The following PTPRG variants were observed in gnomAD, a reference collection of about 807,000 sequenced individuals.
PTPRG encodes protein tyrosine phosphatase receptor type G, also known as receptor-type tyrosine-protein phosphatase gamma.
PTPRG carries 102 observed loss-of-function variants against 165.3 expected under a neutral mutation model. The ratio of observed to expected loss-of-function variants is 0.62; its 90% CI spans 0.53 to 0.73. The LOEUF (loss-of-function observed/expected upper bound fraction) is 0.73. PTPRG is among the 30% of genes least tolerant of loss of function. The pLI is 0.00. For synonymous variants in PTPRG, 675 were observed against 669.5 expected (o/e 1.01, Z -0.13); for missense variants, 1,866 against 1,861.4 (o/e 1.00, Z -0.05).
chr3:62,146,885 T>G (rs1312890237), intron 6 of PTPRG, among the ~76,000 whole-genome samples: 1 of 152,218 alleles, frequency 6.6e-6, no homozygotes, highest in African/African-American at 2.4e-5. Context: ...TTTGCCCACT[T>G]TTGACTTAGA....
intron 1 of PTPRG, among the ~76,000 whole-genome samples, chr3:61,697,053 A>C (rs542286931): frequency 6.6e-6 from 1 of 152,224 alleles, no homozygotes; most frequent in Non-Finnish European, 1.5e-5. Context: ...TTGAGAAAAC[A>C]GCAGAAGCAG....
intron 1 of PTPRG, among the ~76,000 whole-genome samples, chr3:61,637,661 G>A (rs1185730769): frequency 6.6e-6 from 1 of 152,162 alleles, no homozygotes; most frequent in Non-Finnish European, 1.5e-5. Context: ...GACTTCTTAG[G>A]AGTCCACCGG....
At chr3:61,750,081 C>G (rs1026484704) in intron 2 of PTPRG, 1 of 152,164 alleles carries the variant, frequency 6.6e-6, no homozygotes, top group Admixed American at 6.5e-5. Flanking sequence ...TTGCAGTGAA[C>G]AGATAGTGAT....
intron 2 of PTPRG, among the ~76,000 whole-genome samples, chr3:61,807,064 A>G (rs1559622646): frequency 6.6e-6 from 1 of 152,184 alleles, no homozygotes. Context: ...GGAGAGGACA[A>G]TTCAGGATAT....
At chr3:61,995,999 C>T (rs1457161855) in intron 3 of PTPRG, among the ~76,000 whole-genome samples, 1 of 152,096 alleles carries the variant, frequency 6.6e-6, no homozygotes, top group African/African-American at 2.4e-5. Context: ...ATGTCTCTGT[C>T]TCTCTGCCTG....
chr3:61,899,368 T>G (rs2107517510), intron 2 of PTPRG, among the ~76,000 whole-genome samples: 2 of 152,244 alleles, frequency 1.3e-5, no homozygotes, highest in East Asian at 3.9e-4. Flanking sequence ...GCTAATATTT[T>G]TAGGTAAAAG....
chr3:62,221,528 A>G (rs1010259180), intron 13 of PTPRG, among the ~76,000 whole-genome samples: 1 of 152,036 alleles, frequency 6.6e-6, no homozygotes, highest in African/African-American at 2.4e-5. Flanking sequence ...TCACATAGAA[A>G]ATTGGTAAAT....
rs1702079834 is a variant in PTPRG at position 62,271,874 on chromosome 3, G to GAGCCCAGGAGTTTGAGACC, written c.3182+324_3182+342dup. 2.6e-5 allele frequency among the ~76,000 whole-genome samples: 4 copies of GAGCCCAGGAGTTTGAGACC among 152,074 alleles called. No individual in the cohort carries two copies. Among genetic ancestry groups the GAGCCCAGGAGTTTGAGACC allele is most frequent in the Non-Finnish European group, 5.9e-5 (4 of 68,016 alleles). ...GGAGGCTGAGGTGGGTGGATCACTT[G>GAGCCCAGGAGTTTGAGACC]AGCCCAGGAGTTTGAGACCAGCCTG... On this transcript the variant is annotated intron_variant, in intron 21 of 29. Coordinates refer to ENST00000474889, the MANE Select transcript of PTPRG (RefSeq NM_002841.4). The surrounding 1 kb of genome is among the most constrained non-coding windows in gnomAD (Gnocchi z 4.1).
chr3:61,657,279 T>C lies in PTPRG; in HGVS notation c.86-91599T>C, dbSNP rs574491470. ...GGGCATGTGGAGGACCTCTCTAGAA[T>C]GAGGGTGAGACTATGACCTACTTTC... On this transcript the variant is annotated intron_variant, in intron 1 of 29. Coordinates refer to ENST00000474889, the MANE Select transcript of PTPRG (RefSeq NM_002841.4). 5.9e-5 allele frequency among the ~76,000 whole-genome samples: 9 copies of C among 152,124 alleles called. No individual in the cohort carries two copies. In the South Asian group the frequency reaches 1.9e-3, roughly 32 times the overall value.
intron 2 of PTPRG, among the ~76,000 whole-genome samples, chr3:61,825,289 G>C (rs1426476148): frequency 6.6e-6 from 1 of 152,172 alleles, no homozygotes; most frequent in Non-Finnish European, 1.5e-5. Flanking sequence ...TTATTTTAAA[G>C]ACCAGTAAGT....
At chr3:62,238,878 G>A (rs1391516131) in intron 14 of PTPRG, among the ~76,000 whole-genome samples, 1 of 152,094 alleles carries the variant, frequency 6.6e-6, no homozygotes, top group Non-Finnish European at 1.5e-5. Context: ...GATATATGCT[G>A]CAAATTGTAC....
Position 61,805,246 on chromosome 3 carries a change from C to G in PTPRG, c.190+56264C>G, listed in dbSNP as rs1387719314. Among the ~76,000 whole-genome samples, 3 of 152,108 alleles carry G rather than the reference C, an allele frequency of 2.0e-5. No homozygotes were observed. The East Asian group carries it at 5.8e-4, about 29-fold the overall frequency. ...TACAGCAAGACTTGGAGCTACCAGCCTCTAGTGGGTAGAGGCCAAGGATGC... is the reference window on the plus strand; with the variant it reads ...TACAGCAAGACTTGGAGCTACCAGCGTCTAGTGGGTAGAGGCCAAGGATGC... On this transcript the variant is annotated intron_variant, in intron 2 of 29. Transcript: ENST00000474889.
chr3:61,813,875 C>T (rs2035672568), intron 2 of PTPRG, among the ~76,000 whole-genome samples: 1 of 144,898 alleles, frequency 6.9e-6, no homozygotes, highest in South Asian at 2.2e-4. Context: ...TTACAGACAT[C>T]TTATGAGATA....
intron 2 of PTPRG, among the ~76,000 whole-genome samples, chr3:61,839,322 T>G (rs1000542883): frequency 7.9e-5 from 12 of 152,352 alleles, no homozygotes; most frequent in African/African-American, 2.9e-4. Flanking sequence ...GAATCTTATT[T>G]TAGATGCACA....
At chr3:62,002,516 C>T (rs1277843187) in intron 3 of PTPRG, among the ~76,000 whole-genome samples, 1 of 152,084 alleles carries the variant, frequency 6.6e-6, no homozygotes, top group Non-Finnish European at 1.5e-5. Context: ...CATTATATTC[C>T]TTTTGGAAAA....
At chr3:62,118,268 A>G (rs1196215298) in intron 5 of PTPRG, 1 of 152,234 alleles carries the variant, frequency 6.6e-6, no homozygotes, top group African/African-American at 2.4e-5. Context: ...GTTTTGTAGC[A>G]CAAAAACAGC....
chr3:62,182,610 G>A (rs1436440463), intron 8 of PTPRG, among the ~76,000 whole-genome samples: 3 of 152,224 alleles, frequency 2.0e-5, no homozygotes, highest in African/African-American at 7.2e-5. Context: ...TCCTGGTCAA[G>A]GGCCTGACAT....
intron 1 of PTPRG, among the ~76,000 whole-genome samples, chr3:61,708,080 C>T (rs1359230801): frequency 1.3e-5 from 2 of 152,148 alleles, no homozygotes; most frequent in Non-Finnish European, 2.9e-5. Context: ...TGAGCCACCA[C>T]ACCCAGTAGT....
chr3:61,818,897 A>AAATAGTG (rs369901838), intron 2 of PTPRG, among the ~76,000 whole-genome samples: 4 of 101,908 alleles, frequency 3.9e-5, no homozygotes, highest in African/African-American at 1.2e-4. Flanking sequence ...GTGAATAGTG[A>AAATAGTG]AATAGTGAAA....
Sources: gnomAD v4.1 joint callset for allele counts (sites outside exome capture counted in the v4.1 genomes callset) on GRCh38, gnomAD v4.1.1 for gene constraint, Gnocchi (gnomAD v3.1) non-coding constraint, MANE v1.5 for transcripts, NCBI Gene and HGNC (gene_info 2026-07-23, HGNC 2026-07-21) for gene names.